The following DGKB variants were observed in gnomAD, a reference collection of about 807,000 sequenced individuals.
DGKB encodes the protein diacylglycerol kinase beta.
DGKB carries 67 observed loss-of-function variants against 114.3 expected under a neutral mutation model. That is an observed-to-expected ratio of 0.59 (90% CI 0.48 to 0.72). The LOEUF is 0.72. Ranked by LOEUF, DGKB falls within the 30% of genes least tolerant of loss-of-function variation. The pLI, the probability that DGKB is intolerant of heterozygous loss-of-function variation, is 0.00. For synonymous variants in DGKB, 398 were observed against 323.1 expected, an observed-to-expected ratio of 1.23 and a Z score of -2.49; for missense variants, 907 against 975.2, an observed-to-expected ratio of 0.93 and a Z score of 0.93.
Position 14,790,205 on chromosome 7 carries a change from A to C in DGKB, c.71-32474T>G, listed in dbSNP as rs529579664. Among the ~76,000 whole-genome samples, 22 of 152,210 alleles carry C rather than the reference A, an allele frequency of 1.4e-4. No homozygotes were observed. In the South Asian group the frequency reaches 4.1e-3, roughly 29 times the overall value. On this transcript the variant is annotated intron_variant, in intron 2 of 25. Transcript: ENST00000402815. ...ATTTTACATGCTAGTCCTGTGATTTATATGTGTTTTCCAAGTATGTTCTCC... is the reference window on the plus strand; with the variant it reads ...ATTTTACATGCTAGTCCTGTGATTTCTATGTGTTTTCCAAGTATGTTCTCC...
At chr7:14,811,688 A>G (rs1478730053) in intron 2 of DGKB, among the ~76,000 whole-genome samples, 1 of 152,054 alleles carries the variant, frequency 6.6e-6, no homozygotes. Context: ...CTAATGTCAG[A>G]ATTCCCTGAG....
intron 8 of DGKB, 127 bp from the exon 9 acceptor site, chr7:14,694,321 C>A (rs1823435017): frequency 2.5e-6 from 2 of 812,748 alleles, no homozygotes; most frequent in Non-Finnish European, 3.8e-6. Context: ...TAACTCAGTA[C>A]AACATTAATT....
At chr7:14,458,637 A>G (rs2046862653) in intron 21 of DGKB, among the ~76,000 whole-genome samples, 1 of 152,134 alleles carries the variant, frequency 6.6e-6, no homozygotes, top group South Asian at 2.1e-4. Context: ...GCCCTGAGGG[A>G]CTGTGCCATG....
At chr7:14,847,290 C>CAAAAAAAAAAAAAAAAAAAAAA (rs369385721) in intron 1 of DGKB, among the ~76,000 whole-genome samples, 1 of 92,928 alleles carries the variant, frequency 1.1e-5, no homozygotes, top group Non-Finnish European at 2.1e-5. Context: ...GACTCCGTCT[C>CAAAAAAAAAAAAAAAAAAAAAA]AAAAAAAAAA....
chr7:14,452,783 G>A (rs1460088515), intron 21 of DGKB, among the ~76,000 whole-genome samples: 1 of 151,968 alleles, frequency 6.6e-6, no homozygotes. Context: ...TGGAAATTTT[G>A]TTATTGTGCA....
chr7:14,249,764 CT>C (rs1442843136), intron 23 of DGKB, among the ~76,000 whole-genome samples: 1 of 151,732 alleles, frequency 6.6e-6, no homozygotes, highest in African/African-American at 2.4e-5. Flanking sequence ...TTTTTTTTAT[CT>C]TTCCAAAACA....
chr7:14,463,572 C>A (rs2128873573), intron 21 of DGKB, among the ~76,000 whole-genome samples: 1 of 152,234 alleles, frequency 6.6e-6, no homozygotes, highest in East Asian at 1.9e-4. Flanking sequence ...TGTATCTTTT[C>A]CCCACTAAGC....
intron 21 of DGKB, among the ~76,000 whole-genome samples, chr7:14,439,006 G>C (rs900775891): frequency 1.4e-5 from 2 of 146,448 alleles, no homozygotes; most frequent in African/African-American, 5.0e-5. Context: ...TTTTCTTTTA[G>C]TTCAAGTTTT....
chr7:14,909,645 T>C lies in DGKB; in HGVS notation c.-188+65051A>G, dbSNP rs189621478. On this transcript the variant is annotated intron_variant, in intron 1 of 4. Coordinates refer to the DGKB transcript ENST00000437998. ...TGTCAGATTGCAAAATAAGAATACATTGCATAATTAAAACAATGATTAAAT... is the reference window on the plus strand; with the variant it reads ...TGTCAGATTGCAAAATAAGAATACACTGCATAATTAAAACAATGATTAAAT... Among the ~76,000 whole-genome samples, 413 of 152,286 alleles carry C rather than the reference T, an allele frequency of 2.7e-3. 1 individual carries two copies. Among genetic ancestry groups the C allele is most frequent in the African/African-American group, 9.0e-3 (376 of 41,580 alleles).
intron 13 of DGKB, among the ~76,000 whole-genome samples, chr7:14,667,033 C>A (rs138705243): frequency 2.0e-5 from 3 of 152,018 alleles, no homozygotes; most frequent in Non-Finnish European, 2.9e-5. Context: ...ATGGCAACAG[C>A]CATTATCAAG....
At chr7:14,757,131 C>T (rs139902543) in intron 3 of DGKB, among the ~76,000 whole-genome samples, 203 of 152,038 alleles carry the variant, frequency 1.3e-3, no homozygotes, top group African/African-American at 4.4e-3. Context: ...CTTAAGGTGA[C>T]GGACCAGGTA....
intron 13 of DGKB, among the ~76,000 whole-genome samples, chr7:14,646,849 C>T (rs748376522): frequency 1.3e-5 from 2 of 151,546 alleles, no homozygotes; most frequent in Non-Finnish European, 2.9e-5. Flanking sequence ...GAAGATTACA[C>T]CAATGAACAC....
chr7:14,439,977 G>C (rs1227889501), intron 21 of DGKB, among the ~76,000 whole-genome samples: 2 of 151,426 alleles, frequency 1.3e-5, no homozygotes, highest in Non-Finnish European at 2.9e-5. Flanking sequence ...ATCATTACAA[G>C]ACTGAATGAA....
chr7:14,364,864 G>A (rs546941123), intron 21 of DGKB, among the ~76,000 whole-genome samples: 8 of 152,034 alleles, frequency 5.3e-5, no homozygotes, highest in African/African-American at 1.9e-4. Context: ...AAGTCGTGGA[G>A]CAACAGACCT....
At chr7:14,728,990 G>A (rs2128380791) in intron 5 of DGKB, among the ~76,000 whole-genome samples, 1 of 151,316 alleles carries the variant, frequency 6.6e-6, no homozygotes, top group East Asian at 2.0e-4. Flanking sequence ...ATGAACCACT[G>A]TGCCAAGGCT....
chr7:14,525,846 T>A (rs1332576438), intron 20 of DGKB, among the ~76,000 whole-genome samples: 1 of 148,208 alleles, frequency 6.7e-6, no homozygotes, highest in Admixed American at 6.9e-5. Flanking sequence ...CATCATTACA[T>A]TGGACCCACA....
intron 1 of DGKB, among the ~76,000 whole-genome samples, chr7:14,885,123 G>A (rs774927840): frequency 1.3e-5 from 2 of 151,908 alleles, no homozygotes; most frequent in African/African-American, 4.8e-5. Context: ...TCTGAGCGAG[G>A]TAACTTGATG....
chr7:14,166,171 C>G (rs1445367755), intron 25 of DGKB, among the ~76,000 whole-genome samples: 1 of 152,186 alleles, frequency 6.6e-6, no homozygotes, highest in Non-Finnish European at 1.5e-5. Flanking sequence ...AAAAGAAAAT[C>G]TCATGTGGTC....
At chr7:14,476,501 T>C (rs927673538) in intron 21 of DGKB, among the ~76,000 whole-genome samples, 1 of 152,100 alleles carries the variant, frequency 6.6e-6, no homozygotes, top group Non-Finnish European at 1.5e-5. Flanking sequence ...AAAATACAGT[T>C]GTCACCACAA....
Sources: allele counts gnomAD v4.1 joint callset (sites outside exome capture counted in the v4.1 genomes callset), GRCh38; gene constraint gnomAD v4.1.1; transcripts MANE v1.5; gene names NCBI Gene and HGNC (gene_info 2026-07-23, HGNC 2026-07-21).